SAMD5: variants seen among roughly 807,000 people sequenced by gnomAD.
SAMD5 encodes sterile alpha motif domain-containing protein 5.
In SAMD5, 13 loss-of-function variants were observed where a neutral mutation model predicts 11.3. The ratio of observed to expected loss-of-function variants is 1.15; its 90% CI spans 0.75 to 1.83. The LOEUF (loss-of-function observed/expected upper bound fraction) is 1.83, where lower values mean the gene tolerates loss of function less well. Among genes scored for constraint, SAMD5 ranks in the 40% most tolerant of loss-of-function variants. SAMD5 has a pLI of 0.00. For missense variants in SAMD5, 255 were observed against 239.1 expected, an observed-to-expected ratio of 1.07 and a Z score of -0.44; for synonymous variants, 129 against 111.3, an observed-to-expected ratio of 1.16 and a Z score of -1.00.
chr6:147,663,844 TA>T (rs200060938), intron 1 of SAMD5, among the ~76,000 whole-genome samples: 15 of 142,804 alleles, frequency 1.1e-4, no homozygotes, highest in East Asian at 6.2e-4. Flanking sequence ...ATCATCTGAT[TA>T]AAAAAAAAAT....
At chr6:147,865,745 A>G in the SAMD5 span, among the ~76,000 whole-genome samples, 1 of 152,140 alleles carries the variant, frequency 6.6e-6, no homozygotes. Flanking sequence ...CTTCAGGGGT[A>G]TTTTAAGGCA....
intron 1 of SAMD5, among the ~76,000 whole-genome samples, chr6:147,557,320 C>T (rs916631350): frequency 2.0e-5 from 3 of 152,142 alleles, no homozygotes; most frequent in East Asian, 1.9e-4. Flanking sequence ...TGCAAAGGAG[C>T]CTATGTTTTC....
the SAMD5 span, among the ~76,000 whole-genome samples, chr6:147,882,974 A>G: frequency 2.6e-5 from 4 of 152,202 alleles, no homozygotes; most frequent in Non-Finnish European, 5.9e-5. Flanking sequence ...TCTGTAGTTT[A>G]TTAGCTTGGT....
the SAMD5 span, among the ~76,000 whole-genome samples, chr6:147,885,937 A>G: frequency 2.0e-5 from 3 of 152,216 alleles, no homozygotes; most frequent in African/African-American, 7.2e-5. Flanking sequence ...TAATTTCTAT[A>G]TTATACAAAT....
the SAMD5 span, among the ~76,000 whole-genome samples, chr6:147,870,054 T>A: frequency 2.6e-5 from 4 of 152,144 alleles, no homozygotes; most frequent in East Asian, 1.9e-4. Context: ...CATTCTTTTT[T>A]AAAATACTAA....
the SAMD5 span, among the ~76,000 whole-genome samples, chr6:147,943,589 C>T: frequency 2.0e-5 from 3 of 152,100 alleles, no homozygotes; most frequent in African/African-American, 4.8e-5. Context: ...TGGCTGGTCC[C>T]CTGCCTCTCT....
the SAMD5 span, among the ~76,000 whole-genome samples, chr6:147,850,543 A>G: frequency 6.6e-6 from 1 of 152,208 alleles, no homozygotes; most frequent in Non-Finnish European, 1.5e-5. Context: ...AGAAAAATAA[A>G]AATAACTTGT....
chr6:147,841,089 T>G, the SAMD5 span, among the ~76,000 whole-genome samples: 1 of 152,208 alleles, frequency 6.6e-6, no homozygotes, highest in East Asian at 1.9e-4. Flanking sequence ...AGGGTGCACA[T>G]ATAGCTACTC....
chr6:147,797,209 A>G, the SAMD5 span, among the ~76,000 whole-genome samples: 1 of 138,074 alleles, frequency 7.2e-6, no homozygotes, highest in Non-Finnish European at 1.5e-5. Context: ...TTGGTTTGTC[A>G]TAGATAGCTC....
intron 1 of SAMD5, among the ~76,000 whole-genome samples, chr6:147,631,169 TAGA>T (rs1790145131): frequency 6.6e-6 from 1 of 152,102 alleles, no homozygotes; most frequent in Admixed American, 6.5e-5. Context: ...GTGGGGTTGT[TAGA>T]AGGAGAATTT....
chr6:147,859,170 G>T, the SAMD5 span, among the ~76,000 whole-genome samples: 1 of 152,056 alleles, frequency 6.6e-6, no homozygotes, highest in Non-Finnish European at 1.5e-5. Flanking sequence ...GTGCTTCCAT[G>T]TCCCCAAGTG....
chr6:147,607,611 C>T (rs1020351655), intron 1 of SAMD5, among the ~76,000 whole-genome samples: 2 of 152,092 alleles, frequency 1.3e-5, no homozygotes, highest in Admixed American at 6.6e-5. Context: ...AAACTAGACC[C>T]CTGTCTCTCA....
At chr6:147,708,474 C>G (rs751123510) in intron 1 of SAMD5, among the ~76,000 whole-genome samples, 77 of 152,268 alleles carry the variant, frequency 5.1e-4, no homozygotes, top group Middle Eastern at 3.4e-3. Context: ...TACAACTTAC[C>G]TTACACTCCA....
intron 1 of SAMD5, among the ~76,000 whole-genome samples, chr6:147,652,276 G>T (rs1411472563): frequency 2.0e-5 from 3 of 151,864 alleles, no homozygotes; most frequent in East Asian, 1.9e-4. Context: ...ATAGCTGAAG[G>T]TTTTTTTGTT....
At chr6:147,671,897 T>A (rs1790801065) in intron 1 of SAMD5, among the ~76,000 whole-genome samples, 1 of 148,832 alleles carries the variant, frequency 6.7e-6, no homozygotes, top group Non-Finnish European at 1.5e-5. Context: ...GGATTTTTTT[T>A]TTTTTTTTTT....
intron 1 of SAMD5, among the ~76,000 whole-genome samples, chr6:147,616,213 C>CATATATATTTATTTATATATAT (rs1562334314): frequency 3.0e-5 from 2 of 66,560 alleles, no homozygotes; most frequent in Non-Finnish European, 7.8e-5. Context: ...TTCATATATA[C>CATATATATTTATTTATATATAT]TTCATATATA....
At chr6:147,895,621 A>G in the SAMD5 span, among the ~76,000 whole-genome samples, 1 of 152,182 alleles carries the variant, frequency 6.6e-6, no homozygotes, top group Non-Finnish European at 1.5e-5. Context: ...AAATGAGAGT[A>G]ATGAAAGGCT....
the SAMD5 span, among the ~76,000 whole-genome samples, chr6:147,814,630 T>C: frequency 1.3e-5 from 2 of 152,176 alleles, no homozygotes; most frequent in South Asian, 2.1e-4. Flanking sequence ...ATATATTACA[T>C]AATTATGAAG....
At chr6:147,746,994 A>G in the SAMD5 span, among the ~76,000 whole-genome samples, 552 of 152,348 alleles carry the variant, frequency 3.6e-3, 4 homozygotes, top group African/African-American at 0.013. Flanking sequence ...GACCATGTTC[A>G]GTAACAGTCA....
Sources: allele counts gnomAD v4.1 joint callset (sites outside exome capture counted in the v4.1 genomes callset), GRCh38; gene constraint gnomAD v4.1.1; transcripts MANE v1.5; gene names NCBI Gene and HGNC (gene_info 2026-07-23, HGNC 2026-07-21).